The following DMD variants were observed in gnomAD, a reference collection of about 807,000 sequenced individuals.
DMD encodes the protein mutant dystrophin.
A neutral mutation model predicts 330.1 loss-of-function variants in DMD; 63 were observed. The ratio of observed to expected loss-of-function variants is 0.19; its 90% confidence interval spans 0.16 to 0.24. The LOEUF (loss-of-function observed/expected upper bound fraction) is 0.24. DMD is among the 10% of genes least tolerant of loss of function. The pLI is 1.00. For synonymous variants in DMD, 1,223 were observed against 959.8 expected (o/e 1.27, Z -5.07); for missense variants, 3,344 against 2,684.1 (o/e 1.25, Z -5.43).
At chrX:32,363,208 G>C (rs1603631713) in intron 36 of DMD, among the ~76,000 whole-genome samples, 1 of 111,859 alleles carries the variant, frequency 8.9e-6, no homozygotes, top group South Asian at 3.7e-4. Context: ...CCTTAAGTTT[G>C]ATGCATGTCT....
chrX:31,839,626 A>G (rs2093275631), intron 48 of DMD, among the ~76,000 whole-genome samples: 1 of 112,015 alleles, frequency 8.9e-6, no homozygotes, highest in Admixed American at 9.6e-5. Context: ...ATGACAAATT[A>G]AAATGGGATT....
chrX:31,502,912 A>G (rs193051636), intron 56 of DMD, among the ~76,000 whole-genome samples: 12 of 111,912 alleles, frequency 1.1e-4, no homozygotes, highest in Non-Finnish European at 1.9e-5. Context: ...GTCATCAGTA[A>G]CTGTGTGTGT....
intron 1 of DMD, among the ~76,000 whole-genome samples, chrX:33,113,626 T>C (rs2095358409): frequency 9.4e-6 from 1 of 106,685 alleles, no homozygotes; most frequent in Non-Finnish European, 1.9e-5. Flanking sequence ...GCAACTGTTG[T>C]AACACAGAGC....
chrX:32,337,649 T>C (rs1310517946), intron 41 of DMD, among the ~76,000 whole-genome samples: 1 of 110,623 alleles, frequency 9.0e-6, no homozygotes, highest in Non-Finnish European at 1.9e-5. Flanking sequence ...AAGCCTTATA[T>C]TTGTTGCCAT....
intron 52 of DMD, among the ~76,000 whole-genome samples, chrX:31,714,377 TA>T (rs1214342151): frequency 8.9e-6 from 1 of 112,209 alleles, no homozygotes; most frequent in Non-Finnish European, 1.9e-5. Context: ...CTGAAGAATC[TA>T]ATTTTTCAAT....
chrX:32,560,544 G>A (rs1276771484), intron 16 of DMD, among the ~76,000 whole-genome samples: 3 of 110,506 alleles, frequency 2.7e-5, no homozygotes, highest in Non-Finnish European at 5.7e-5. Context: ...GACCCATTAG[G>A]TAGATATTGA....
At chrX:33,036,437 T>A (rs750430503) in intron 1 of DMD, among the ~76,000 whole-genome samples, 4 of 111,269 alleles carry the variant, frequency 3.6e-5, no homozygotes, top group Admixed American at 1.9e-4. Context: ...CCCATAAAAA[T>A]TACCGTTCTG....
chrX:32,603,626 A>G (rs1285625510), intron 12 of DMD, among the ~76,000 whole-genome samples: 1 of 111,513 alleles, frequency 9.0e-6, no homozygotes, highest in East Asian at 2.8e-4. Flanking sequence ...TTAACCAAGA[A>G]AAAAACAGAA....
At chrX:32,205,005 T>TCTCTCTCTCTCACACACA (rs60181300) in intron 44 of DMD, among the ~76,000 whole-genome samples, 26 of 29,190 alleles carry the variant, frequency 8.9e-4, no homozygotes, top group Non-Finnish European at 1.6e-3. Flanking sequence ...TCTCTCTCTC[T>TCTCTCTCTCTCACACACA]CACATACACA....
intron 62 of DMD, among the ~76,000 whole-genome samples, chrX:31,313,034 A>T (rs113869313): frequency 9.3e-6 from 1 of 107,482 alleles, no homozygotes; most frequent in African/African-American, 3.4e-5. Flanking sequence ...ATACCTATGT[A>T]ACAAACCTGC....
intron 52 of DMD, among the ~76,000 whole-genome samples, chrX:31,694,617 C>CATATATATATATATATAT (rs34933227): frequency 1.7e-4 from 10 of 58,166 alleles, no homozygotes; most frequent in Admixed American, 7.3e-4. Context: ...TGACAAACAG[C>CATATATATATATATATAT]ATATATATAT....
chrX:32,018,723 C>G (rs1292028460), intron 44 of DMD, among the ~76,000 whole-genome samples: 1 of 111,999 alleles, frequency 8.9e-6, no homozygotes, highest in East Asian at 2.8e-4. Context: ...TCTTATCCCT[C>G]CAATGAGAAG....
intron 52 of DMD, among the ~76,000 whole-genome samples, chrX:31,717,009 T>C (rs906946377): frequency 1.8e-5 from 2 of 111,205 alleles, no homozygotes; most frequent in Non-Finnish European, 3.8e-5. Flanking sequence ...GCTATCTGTG[T>C]GATCTTATGC....
At chrX:31,806,522 A>C (rs193142852) in intron 50 of DMD, among the ~76,000 whole-genome samples, 27 of 112,942 alleles carry the variant, frequency 2.4e-4, no homozygotes, top group Non-Finnish European at 4.3e-4. Context: ...TTCACTAACT[A>C]CAGTCATAAC....
chrX:31,358,014 A>G (rs867142252), intron 60 of DMD, among the ~76,000 whole-genome samples: 3 of 107,378 alleles, frequency 2.8e-5, no homozygotes, highest in African/African-American at 1.0e-4. Flanking sequence ...GAGAACCAGA[A>G]TTAAAACTCT....
At chrX:32,034,228 T>C (rs1828222074) in intron 44 of DMD, among the ~76,000 whole-genome samples, 1 of 112,027 alleles carries the variant, frequency 8.9e-6, no homozygotes, top group African/African-American at 3.2e-5. Flanking sequence ...ATTAAGTTTC[T>C]AACTCTAAGC....
chrX:31,198,023 T>TAAAAA (rs61065027), intron 67 of DMD, among the ~76,000 whole-genome samples: 1 of 64,888 alleles, frequency 1.5e-5, no homozygotes, highest in Admixed American at 2.1e-4. Context: ...GTGTGGGAGC[T>TAAAAA]AAAAAAAAAA....
intron 9 of DMD, among the ~76,000 whole-genome samples, chrX:32,678,618 T>C (rs1397755992): frequency 9.0e-6 from 1 of 111,007 alleles, no homozygotes; most frequent in Non-Finnish European, 1.9e-5. Context: ...TATGAGTACA[T>C]TCTACGAAAC....
intron 64 of DMD, among the ~76,000 whole-genome samples, chrX:31,212,162 ATATATGTGTGTGTGTATGTGTG>A (rs2044763763): frequency 1.2e-5 from 1 of 85,508 alleles, no homozygotes. Flanking sequence ...ATATATATAT[ATATATGTGTGTGTGTATGTGTG>A]TGTGTGTGTG....
Sources: gnomAD v4.1 joint callset for allele counts (sites outside exome capture counted in the v4.1 genomes callset) on GRCh38, gnomAD v4.1.1 for gene constraint, MANE v1.5 for transcripts, NCBI Gene and HGNC (gene_info 2026-07-23, HGNC 2026-07-21) for gene names.